PPP2R5A: variants seen among roughly 807,000 people sequenced by gnomAD.
PPP2R5A encodes the protein serine/threonine-protein phosphatase 2A 56 kDa regulatory subunit alpha isoform.
A neutral mutation model predicts 64.2 loss-of-function variants in PPP2R5A; 25 were observed. The ratio of observed to expected loss-of-function variants is 0.39; its 90% confidence interval spans 0.28 to 0.54. The LOEUF (loss-of-function observed/expected upper bound fraction) is 0.54, where lower values mean the gene tolerates loss of function less well. PPP2R5A is among the 20% of genes least tolerant of loss of function. PPP2R5A has a pLI of 0.67. For synonymous variants in PPP2R5A, 198 were observed against 201.2 expected, an observed-to-expected ratio of 0.98 and a Z score of 0.13; for missense variants, 425 against 576.3, an observed-to-expected ratio of 0.74 and a Z score of 2.69.
chr1:212,315,401 A>G (rs982995722), intron 1 of PPP2R5A, among the ~76,000 whole-genome samples: 6 of 152,228 alleles, frequency 3.9e-5, no homozygotes, highest in Non-Finnish European at 7.3e-5. Flanking sequence ...TTCATTTTCC[A>G]TGACATTTCT....
rs1057203425 is a variant in PPP2R5A, at chr1:212,302,065, C to T, written c.181+15774C>T. The T allele has an allele frequency of 2.0e-6, 3 of 1,527,950 alleles. No individual in the cohort carries two copies. In the Admixed American group the frequency reaches 5.9e-5, roughly 30 times the overall value. 94.6% of individuals were successfully genotyped at this position (1,527,950 alleles called of 1,614,324 possible). ...TTATCACTGATTTAATGAAGAAGGG[C>T]AAGAAGAGGAAGGCTTTATGATAAT... On this transcript the variant is annotated intron_variant, in intron 1 of 12. Coordinates refer to ENST00000261461, the MANE Select transcript of PPP2R5A (RefSeq NM_006243.4).
At chr1:212,351,985 ATTTTATTTTATT>A (rs1659890899) in intron 8 of PPP2R5A, among the ~76,000 whole-genome samples, 3 of 149,470 alleles carry the variant, frequency 2.0e-5, no homozygotes, top group South Asian at 4.2e-4. Flanking sequence ...TTTATTTTAT[ATTTTATTTTATT>A]ATTTTATTTT....
chr1:212,336,098 T>C (rs1238421956), intron 3 of PPP2R5A, among the ~76,000 whole-genome samples: 2 of 152,044 alleles, frequency 1.3e-5, no homozygotes, highest in Non-Finnish European at 2.9e-5. Flanking sequence ...TTTCAAAATA[T>C]GATTTTTTCT....
chr1:212,358,836 T>C, intron 12 of PPP2R5A, 49 bp downstream of exon 12: 1 of 1,455,804 alleles, frequency 6.9e-7, no homozygotes, highest in Non-Finnish European at 9.6e-7. Flanking sequence ...TTATGTTAGT[T>C]GAATGTGATT....
At chr1:212,288,873 A>ACC (rs33935164) in intron 1 of PPP2R5A, among the ~76,000 whole-genome samples, 1 of 5,212 alleles carries the variant, frequency 1.9e-4, no homozygotes, top group Non-Finnish European at 3.7e-4. Flanking sequence ...TGCTTATGTT[A>ACC]CTTTGACCAC....
chr1:212,354,312 G>T (rs1659940731), intron 8 of PPP2R5A, among the ~76,000 whole-genome samples: 1 of 152,062 alleles, frequency 6.6e-6, no homozygotes, highest in Non-Finnish European at 1.5e-5. Flanking sequence ...GAGCCTAGGG[G>T]GTTGCAGTGA....
intron 8 of PPP2R5A, 63 bp downstream of exon 8, chr1:212,349,305 G>A (rs1344202756): frequency 3.1e-5 from 40 of 1,275,906 alleles, no homozygotes; most frequent in South Asian, 2.5e-4. Context: ...TGTAGCTTTC[G>A]TTTTATAGCC....
At position 212,286,101 on chromosome 1, in the gene PPP2R5A, G is replaced by T. The variant is rs571279917; in HGVS notation, c.-10G>T. On this transcript the variant is annotated 5_prime_UTR_variant, in exon 1 of 13. Coordinates refer to ENST00000261461, the MANE Select transcript of PPP2R5A (RefSeq NM_006243.4). ...AGCAGCCGGAGCTGCCAAGCGTCAG[G>T]GCCGCGGAGATGTCGTCGTCGTCGC... The T allele has an allele frequency of 1.1e-5, 17 of 1,555,926 alleles. No homozygotes were observed. The East Asian group carries it at 3.2e-4, about 29-fold the overall frequency.
chr1:212,350,976 TA>T (rs61297300), intron 8 of PPP2R5A, among the ~76,000 whole-genome samples: 2,348 of 141,656 alleles, frequency 0.017, 46 homozygotes, highest in African/African-American at 0.048. Flanking sequence ...CATTTCTACT[TA>T]AAAAAAAAAA....
At chr1:212,330,910 G>A (rs553147095) in intron 2 of PPP2R5A, among the ~76,000 whole-genome samples, 11 of 151,122 alleles carry the variant, frequency 7.3e-5, no homozygotes, top group Admixed American at 5.9e-4. Context: ...GCTCATGCCT[G>A]TAACCCCAGC....
chr1:212,354,839 T>C (rs1659950986), intron 8 of PPP2R5A, among the ~76,000 whole-genome samples: 1 of 152,214 alleles, frequency 6.6e-6, no homozygotes, highest in African/African-American at 2.4e-5. Context: ...ACACAAATAC[T>C]ATTGTTACAA....
intron 1 of PPP2R5A, among the ~76,000 whole-genome samples, chr1:212,323,983 A>T (rs1218948522): frequency 1.3e-5 from 2 of 151,924 alleles, no homozygotes; most frequent in Non-Finnish European, 2.9e-5. Flanking sequence ...GAGGCAGGAG[A>T]ATCTCTTGAA....
At chr1:212,334,534 C>T (rs981272532) in intron 3 of PPP2R5A, among the ~76,000 whole-genome samples, 2 of 152,118 alleles carry the variant, frequency 1.3e-5, no homozygotes, top group African/African-American at 4.8e-5. Flanking sequence ...GCTCAAGCAG[C>T]CCACCCACTT....
chr1:212,302,582 A>G (rs1197790997), intron 1 of PPP2R5A, among the ~76,000 whole-genome samples: 1 of 152,216 alleles, frequency 6.6e-6, no homozygotes, highest in Non-Finnish European at 1.5e-5. Context: ...CAGAGCTTAA[A>G]ACAGCTCTAT....
chr1:212,297,825 C>CTTTTTTTTTT (rs1368421837), intron 1 of PPP2R5A: 8 of 22,084 alleles, frequency 3.6e-4, no homozygotes, highest in East Asian at 1.3e-3. Context: ...TTTTTTTTTT[C>CTTTTTTTTTT]TTTTTTATTT....
At chr1:212,287,298 T>C (rs1435094624) in intron 1 of PPP2R5A, among the ~76,000 whole-genome samples, 5 of 152,220 alleles carry the variant, frequency 3.3e-5, no homozygotes, top group African/African-American at 4.8e-5. Flanking sequence ...CTCCTACATA[T>C]TTAGATAAAA....
At chr1:212,328,582 G>A (rs1659447185) in intron 1 of PPP2R5A, among the ~76,000 whole-genome samples, 1 of 152,120 alleles carries the variant, frequency 6.6e-6, no homozygotes, top group South Asian at 2.1e-4. Context: ...GAGTATCATT[G>A]AAAAACATGG....
chr1:212,351,106 AAAAAAAAC>A (rs1358458664), intron 8 of PPP2R5A, among the ~76,000 whole-genome samples: 2 of 148,050 alleles, frequency 1.4e-5, no homozygotes, highest in Non-Finnish European at 3.0e-5. Flanking sequence ...ATGACACAAA[AAAAAAAAC>A]AAAAAAACAA....
chr1:212,306,874 C>G (rs1248025625), intron 1 of PPP2R5A: 1 of 152,178 alleles, frequency 6.6e-6, no homozygotes, highest in Non-Finnish European at 1.5e-5. Context: ...TCTCCTGCCT[C>G]AGCCTCCCGA....
Sources: gnomAD v4.1 joint callset for allele counts (sites outside exome capture counted in the v4.1 genomes callset) on GRCh38, gnomAD v4.1.1 for gene constraint, MANE v1.5 for transcripts, NCBI Gene and HGNC (gene_info 2026-07-23, HGNC 2026-07-21) for gene names.